The following NTRK2 variants were observed in gnomAD, a reference collection of about 807,000 sequenced individuals.
The protein encoded by NTRK2 is BDNF/NT-3 growth factors receptor.
A neutral mutation model predicts 94.5 loss-of-function variants in NTRK2; 13 were observed. The observed-to-expected ratio is 0.14, with a 90% confidence interval of 0.09 to 0.22. NTRK2 has a LOEUF of 0.22. Ranked by LOEUF, NTRK2 falls within the 10% of genes least tolerant of loss-of-function variation. NTRK2 has a pLI of 1.00. For missense variants in NTRK2, 639 were observed against 1,071.2 expected (o/e 0.60, Z 5.63); for synonymous variants, 372 against 407.4 (o/e 0.91, Z 1.05).
chr9:84,926,769 T>C (rs1587956161), intron 14 of NTRK2, among the ~76,000 whole-genome samples: 1 of 152,216 alleles, frequency 6.6e-6, no homozygotes, highest in East Asian at 1.9e-4. Flanking sequence ...GTCTCATGTA[T>C]TCCAGGCTCA....
At chr9:85,020,838 C>G (rs1021269828) in intron 18 of NTRK2, among the ~76,000 whole-genome samples, 1 of 152,100 alleles carries the variant, frequency 6.6e-6, no homozygotes, top group Non-Finnish European at 1.5e-5. Flanking sequence ...GATCAGGCAC[C>G]GTACATCTTT....
chr9:85,026,526 A>G lies in NTRK2; in HGVS notation c.*5089A>G, dbSNP rs1305458138. The G allele has an allele frequency of 8.6e-6, 2 of 232,742 alleles. No individual in the cohort carries two copies. The highest frequency in any genetic ancestry group is 8.5e-6 in the Non-Finnish European group (1 of 117,754). 14.4% of individuals were successfully genotyped at this position (232,742 alleles called of 1,614,324 possible). A position where few individuals can be genotyped will look rare whatever the true frequency, so the allele number is the denominator to read the frequency against. On this transcript the variant is annotated 3_prime_UTR_variant, in exon 19 of 19. Transcript: ENST00000277120. ...TAAAGCAGCTGGAAATGTTTTAAAT[A>G]CAAGGTCTTTGAATTAAATGTGGAT...
intron 16 of NTRK2, among the ~76,000 whole-genome samples, chr9:84,954,746 C>T (rs1823897922): frequency 6.6e-6 from 1 of 152,174 alleles, no homozygotes; most frequent in South Asian, 2.1e-4. Flanking sequence ...GCAGGCTGCC[C>T]AGCTCTGGTG....
intron 17 of NTRK2, among the ~76,000 whole-genome samples, chr9:84,959,373 G>A (rs1270320636): frequency 6.6e-6 from 1 of 152,136 alleles, no homozygotes; most frequent in African/African-American, 2.4e-5. Flanking sequence ...CAACTGAATT[G>A]CATAAAATGT....
At chr9:84,827,875 C>T (rs534996752) in intron 12 of NTRK2, among the ~76,000 whole-genome samples, 8 of 152,262 alleles carry the variant, frequency 5.3e-5, no homozygotes, top group East Asian at 1.9e-4. Context: ...ATTACAGTTT[C>T]GTGTTCTCTC....
At chr9:84,927,907 T>A (rs146978648) in intron 14 of NTRK2, among the ~76,000 whole-genome samples, 2 of 152,216 alleles carry the variant, frequency 1.3e-5, no homozygotes, top group African/African-American at 4.8e-5. Context: ...GATTGCTCTA[T>A]GGCCACAAGT....
chr9:84,729,106 G>GC (rs113658332), intron 9 of NTRK2, among the ~76,000 whole-genome samples: 3 of 152,034 alleles, frequency 2.0e-5, no homozygotes, highest in Non-Finnish European at 2.9e-5. Context: ...GGCTCCCAGG[G>GC]CCCCCCCACC....
At chr9:85,000,955 C>A (rs1001479346) in intron 17 of NTRK2, among the ~76,000 whole-genome samples, 1 of 152,208 alleles carries the variant, frequency 6.6e-6, no homozygotes, top group Non-Finnish European at 1.5e-5. Context: ...TTTAGCCATT[C>A]TAATAGGCGT....
intron 12 of NTRK2, chr9:84,813,424 T>G: frequency 6.6e-6 from 7 of 1,063,858 alleles, no homozygotes; most frequent in Non-Finnish European, 8.0e-6. Context: ...GGGCTGCCAG[T>G]TTATTACTTT....
At chr9:84,961,203 C>T (rs566311188) in intron 17 of NTRK2, among the ~76,000 whole-genome samples, 1 of 152,272 alleles carries the variant, frequency 6.6e-6, no homozygotes, top group African/African-American at 2.4e-5. Flanking sequence ...AAATCAGTTC[C>T]TTCCTAAAAG....
At chr9:84,788,416 G>A (rs952021668) in intron 12 of NTRK2, among the ~76,000 whole-genome samples, 1 of 152,204 alleles carries the variant, frequency 6.6e-6, no homozygotes, top group Non-Finnish European at 1.5e-5. Context: ...AGCACCTGGT[G>A]AGTTTGCTGA....
At chr9:84,968,930 A>G (rs1825870591) in intron 17 of NTRK2, among the ~76,000 whole-genome samples, 1 of 152,052 alleles carries the variant, frequency 6.6e-6, no homozygotes, top group Admixed American at 6.5e-5. Context: ...AAGATTGTGA[A>G]TGCTGTCTTG....
intron 12 of NTRK2, chr9:84,810,418 C>A: frequency 1.1e-6 from 1 of 916,162 alleles, no homozygotes; most frequent in Non-Finnish European, 1.7e-6. Context: ...AAGTGTATTC[C>A]ATGTTGTGTC....
chr9:84,865,481 T>G (rs2075548290), intron 13 of NTRK2, among the ~76,000 whole-genome samples: 1 of 151,890 alleles, frequency 6.6e-6, no homozygotes, highest in African/African-American at 2.4e-5. Flanking sequence ...ATCTTGGAGG[T>G]TGGGGGATGA....
At chr9:84,781,581 G>A (rs12553964) in intron 12 of NTRK2, among the ~76,000 whole-genome samples, 2 of 151,894 alleles carry the variant, frequency 1.3e-5, no homozygotes, top group Non-Finnish European at 2.9e-5. Flanking sequence ...TCTTAACTTT[G>A]CCGGTTAAAA....
Position 85,023,937 on chromosome 9 carries a change from A to G in NTRK2, c.*2500A>G, listed in dbSNP as rs190692314. 2 of 230,072 alleles carry G rather than the reference A, an allele frequency of 8.7e-6. No homozygotes were observed. Among genetic ancestry groups the G allele is most frequent in the Non-Finnish European group, 1.7e-5 (2 of 116,154 alleles). 14.3% of individuals were successfully genotyped at this position (230,072 alleles called of 1,614,324 possible). A position where few individuals can be genotyped will look rare whatever the true frequency, so the allele number is the denominator to read the frequency against. ...AGGAATGTGCAATTTTAGAGCAAAG[A>G]TTTGTTTAAGGCAAATGAGACTTTG... On this transcript the variant is annotated 3_prime_UTR_variant, in exon 19 of 19. Coordinates refer to ENST00000277120, the MANE Select transcript of NTRK2 (RefSeq NM_006180.6).
intron 12 of NTRK2, among the ~76,000 whole-genome samples, chr9:84,797,671 AT>A: frequency 1.2e-5 from 1 of 84,024 alleles, no homozygotes; most frequent in Non-Finnish European, 2.1e-5. Context: ...TATATATTAT[AT>A]ATTATATATA....
intron 17 of NTRK2, among the ~76,000 whole-genome samples, chr9:85,002,201 C>T (rs1830409994): frequency 6.6e-6 from 1 of 152,170 alleles, no homozygotes; most frequent in Non-Finnish European, 1.5e-5. Flanking sequence ...TAAGCACAAG[C>T]TTACCCCCTA....
At position 84,746,125 on chromosome 9, in the gene NTRK2, T is replaced by C. The variant is rs148481305; in HGVS notation, c.1296+1052T>C. Among the ~76,000 whole-genome samples, 935 of 152,320 alleles carry C rather than the reference T, an allele frequency of 6.1e-3. 34 individuals are homozygous for C. In the East Asian group the frequency reaches 0.1, roughly 16 times the overall value. ...CATGGGCCAAGTCCAGCTCACCACCTGTTTTTGTATGGTTTTCAGGCTAAG... is the reference window on the plus strand; with the variant it reads ...CATGGGCCAAGTCCAGCTCACCACCCGTTTTTGTATGGTTTTCAGGCTAAG... On this transcript the variant is annotated intron_variant, in intron 11 of 18. Transcript: ENST00000277120.
Sources: allele counts gnomAD v4.1 joint callset (sites outside exome capture counted in the v4.1 genomes callset), GRCh38; gene constraint gnomAD v4.1.1; transcripts MANE v1.5; gene names NCBI Gene and HGNC (gene_info 2026-07-23, HGNC 2026-07-21).